The following TANGO6 variants were observed in gnomAD, a reference collection of about 807,000 sequenced individuals.
The protein encoded by TANGO6 is transport and Golgi organization protein 6 homolog.
In TANGO6, 90 loss-of-function variants were observed where a neutral mutation model predicts 114.2. The observed-to-expected ratio is 0.79, with a 90% CI of 0.66 to 0.94. The LOEUF is 0.94. TANGO6 is among the 40% of genes least tolerant of loss of function. The pLI, the probability that TANGO6 is intolerant of heterozygous loss-of-function variation, is 0.00. For synonymous variants in TANGO6, 477 were observed against 509.8 expected (o/e 0.94, Z 0.87); for missense variants, 1,274 against 1,315.3 (o/e 0.97, Z 0.49).
At chr16:68,981,210 C>CTTTTTTTTTTTTTT (rs553789256) in intron 15 of TANGO6, among the ~76,000 whole-genome samples, 1 of 111,052 alleles carries the variant, frequency 9.0e-6, no homozygotes, top group Non-Finnish European at 1.8e-5. Context: ...TTTTCTTTTC[C>CTTTTTTTTTTTTTT]TTTTTTTTTT....
At chr16:68,941,581 C>G (rs771718482) in intron 14 of TANGO6, among the ~76,000 whole-genome samples, 9 of 151,632 alleles carry the variant, frequency 5.9e-5, no homozygotes, top group Non-Finnish European at 1.0e-4. Flanking sequence ...CCCATCTCTA[C>G]CAAAAAATAC....
chr16:69,043,377 C>T (rs780371872), intron 17 of TANGO6, among the ~76,000 whole-genome samples: 5 of 151,180 alleles, frequency 3.3e-5, no homozygotes. Context: ...AAACTCTATC[C>T]AGATTTCTCA....
intron 17 of TANGO6, among the ~76,000 whole-genome samples, chr16:69,042,652 A>T (rs1326701199): frequency 1.3e-5 from 2 of 152,172 alleles, no homozygotes; most frequent in Non-Finnish European, 2.9e-5. Flanking sequence ...CTTGATGGGG[A>T]TGGGGGACAT....
intron 15 of TANGO6, among the ~76,000 whole-genome samples, chr16:69,012,392 A>T (rs1171275518): frequency 2.0e-5 from 3 of 152,120 alleles, no homozygotes; most frequent in Middle Eastern, 3.4e-3. Context: ...CCCCATCTCT[A>T]CTAAAAATAC....
At chr16:69,023,129 A>G (rs1959440619) in intron 16 of TANGO6, 150 bp downstream of exon 16, 3 of 804,782 alleles carry the variant, frequency 3.7e-6, no homozygotes, top group Non-Finnish European at 5.6e-6. Flanking sequence ...GAACTTCCCA[A>G]GGCTTCATCT....
intron 15 of TANGO6, among the ~76,000 whole-genome samples, chr16:69,015,464 T>TTTATTTATTTATTTA (rs1555528107): frequency 2.8e-5 from 4 of 143,868 alleles, no homozygotes; most frequent in Admixed American, 2.1e-4. Context: ...GCTCATTTTA[T>TTTATTTATTTATTTA]TTTATTTATT....
intron 9 of TANGO6, among the ~76,000 whole-genome samples, chr16:68,906,532 C>T (rs1445059684): frequency 6.6e-6 from 1 of 152,000 alleles, no homozygotes; most frequent in African/African-American, 2.4e-5. Context: ...TTAATTCCTC[C>T]TTGCTTTTGC....
At chr16:69,044,481 G>A (rs981319008) in intron 17 of TANGO6, among the ~76,000 whole-genome samples, 4 of 152,092 alleles carry the variant, frequency 2.6e-5, no homozygotes, top group African/African-American at 9.7e-5. Context: ...TGATGCACAC[G>A]ATAAGTTCCA....
Position 69,022,970 on chromosome 16 carries a change from G to A in TANGO6, c.2985G>A (p.Val995=). ...GGCTGGACTTTCTGCTGGGCTCCGT[G>A]GTCCATGAGGTACTGTATTTTGATT... ...CQRLDFLLGS[V]VHEVTACLIA... Residue 995 remains valine, a synonymous_variant, in exon 16 of 18, where the codon GTG becomes GTA. Transcript: ENST00000261778. 6.3e-7 allele frequency: 1 copy of A among 1,588,762 alleles called. No homozygotes were observed. Among genetic ancestry groups the A allele is most frequent in the Non-Finnish European group, 8.5e-7 (1 of 1,172,100 alleles).
intron 6 of TANGO6, among the ~76,000 whole-genome samples, chr16:68,879,765 C>T (rs147723164): frequency 4.8e-4 from 72 of 150,870 alleles, no homozygotes; most frequent in African/African-American, 1.5e-3. Context: ...TACAGGTGCC[C>T]GTCACCACGC....
chr16:69,016,255 A>T (rs1472781250), intron 15 of TANGO6, among the ~76,000 whole-genome samples: 1 of 152,194 alleles, frequency 6.6e-6, no homozygotes, highest in Non-Finnish European at 1.5e-5. Flanking sequence ...TCAATTAGCC[A>T]GGCGTGGTGG....
At chr16:68,846,008 A>G (rs1961796774) in intron 1 of TANGO6, among the ~76,000 whole-genome samples, 2 of 151,124 alleles carry the variant, frequency 1.3e-5, no homozygotes, top group South Asian at 4.2e-4. Flanking sequence ...ACCCACCACC[A>G]TGCCTGGCTA....
chr16:69,076,975 C>T (rs940510459), intron 17 of TANGO6, among the ~76,000 whole-genome samples: 1 of 151,892 alleles, frequency 6.6e-6, no homozygotes, highest in African/African-American at 2.4e-5. Context: ...CCAGCCTGGG[C>T]GACAGAGCAC....
At chr16:68,865,470 G>A (rs1452400394) in intron 3 of TANGO6, among the ~76,000 whole-genome samples, 1 of 152,142 alleles carries the variant, frequency 6.6e-6, no homozygotes, top group Non-Finnish European at 1.5e-5. Flanking sequence ...GAAGAGCTGA[G>A]AGGTGTATGC....
chr16:69,006,861 G>A (rs1284876112), intron 15 of TANGO6, among the ~76,000 whole-genome samples: 1 of 152,210 alleles, frequency 6.6e-6, no homozygotes, highest in African/African-American at 2.4e-5. Flanking sequence ...TCACAGGGTT[G>A]TATGCTCACC....
intron 11 of TANGO6, among the ~76,000 whole-genome samples, chr16:68,917,019 C>T (rs1171937560): frequency 6.6e-6 from 1 of 152,162 alleles, no homozygotes; most frequent in Admixed American, 6.5e-5. Context: ...TGGTATCATA[C>T]AGAATAGTTT....
At position 68,930,905 on chromosome 16, in the gene TANGO6, G is replaced by A. The variant is rs150858724; in HGVS notation, c.2701+610G>A. On this transcript the variant is annotated intron_variant, in intron 14 of 17. Coordinates refer to ENST00000261778, the MANE Select transcript of TANGO6 (RefSeq NM_024562.2). ...ACCCACCTTGGCCTTCCAAAGTGCTGGGATTACAGGCGTGAGCCACCACGC... is the reference window on the plus strand; with the variant it reads ...ACCCACCTTGGCCTTCCAAAGTGCTAGGATTACAGGCGTGAGCCACCACGC... Among the ~76,000 whole-genome samples, 1,018 of 152,268 alleles carry A rather than the reference G, an allele frequency of 6.7e-3. 14 individuals are homozygous for A. Among genetic ancestry groups the A allele is most frequent in the African/African-American group, 0.023 (971 of 41,538 alleles).
At chr16:68,996,567 T>C (rs1246899256) in intron 15 of TANGO6, among the ~76,000 whole-genome samples, 6 of 152,178 alleles carry the variant, frequency 3.9e-5, no homozygotes, top group Admixed American at 2.0e-4. Context: ...ATTGACTGGA[T>C]CAACAAGATG....
At chr16:68,983,488 G>GA (rs953579484) in intron 15 of TANGO6, among the ~76,000 whole-genome samples, 2 of 152,126 alleles carry the variant, frequency 1.3e-5, no homozygotes, top group African/African-American at 2.4e-5. Flanking sequence ...ACAGGAGCAT[G>GA]AAAAAGCAAT....
Sources: allele counts gnomAD v4.1 joint callset (sites outside exome capture counted in the v4.1 genomes callset), GRCh38; gene constraint gnomAD v4.1.1; transcripts MANE v1.5; gene names NCBI Gene and HGNC (gene_info 2026-07-23, HGNC 2026-07-21).